Variants in PMS2 observed in about 807,000 individuals in gnomAD.
The protein encoded by PMS2 is mismatch repair endonuclease PMS2.
PMS2 carries 69 observed loss-of-function variants against 90.0 expected under a neutral mutation model. The observed-to-expected ratio is 0.77, with a 90% CI of 0.63 to 0.94. The LOEUF (loss-of-function observed/expected upper bound fraction) is 0.94. Among genes scored for constraint, PMS2 ranks in the 40% least tolerant of loss-of-function variants. The pLI is 0.00. For synonymous variants in PMS2, 332 were observed against 375.1 expected (o/e 0.89, Z 1.33); for missense variants, 966 against 1,040.2 (o/e 0.93, Z 0.98).
intron 10 of PMS2, 116 bp from the exon 11 acceptor site, chr7:5,987,736 G>T: frequency 9.8e-7 from 1 of 1,022,566 alleles, no homozygotes; most frequent in Non-Finnish European, 1.5e-6. Flanking sequence ...TTACACAGAT[G>T]AACACAGTTC....
Position 6,003,722 on chromosome 7 carries a change from C to G in PMS2, c.321G>C (p.Arg107=), listed in dbSNP as rs756420858. The change falls in exon 4 of 15, where the codon CGG becomes CGC. Residue 107 remains arginine, a synonymous_variant. Transcript: ENST00000265849. ...DLTQVETFGF[R]GEALSSLCAL... Reference sequence around the variant, plus strand: ...CACAAAGTGAGCTCAGAGCTTCCCCCCGAAAGCCAAAAGTTTCAACCTGAG... The same window carrying G: ...CACAAAGTGAGCTCAGAGCTTCCCCGCGAAAGCCAAAAGTTTCAACCTGAG... 3.1e-6 allele frequency: 5 copies of G among 1,598,118 alleles called. No homozygotes were observed. In the South Asian group the frequency reaches 4.4e-5, roughly 14 times the overall value.
At position 5,987,123 on chromosome 7, in the gene PMS2, C is replaced by G. The variant is rs374591423; in HGVS notation, c.1642G>C (p.Asp548His). The G allele has an allele frequency of 1.9e-6, 3 of 1,614,094 alleles. No individual in the cohort carries two copies. The highest frequency in any genetic ancestry group is 1.1e-5 in the South Asian group (1 of 91,086). The change falls in exon 11 of 15, where the codon GAT (aspartate) becomes CAT (histidine). Residue 548 changes from aspartate to histidine, a missense_variant. By Grantham distance (81) the Asp-to-His change is moderately conservative. This residue lies in a region of PMS2 where 871 missense variants were observed against 802.4 expected (regional missense o/e 1.09). Transcript: ENST00000265849. ...TCCTGGTTTGAATGGCAGTCCACAT[C>G]TGAAAAAGAGTCGTCAGTTTTAGGC... is the stretch of plus-strand genomic sequence containing the variant. Reference protein sequence around the residue: ...KAPKTDDSFSDVDCHSNQEDT... With the variant: ...KAPKTDDSFSHVDCHSNQEDT...
At position 5,997,426 on chromosome 7, in the gene PMS2, GAAAAAA is replaced by G; in HGVS notation, c.706-9_706-4del. On this transcript the variant is annotated splice_region_variant and splice_polypyrimidine_tract_variant and intron_variant, in intron 6 of 14. Transcript: ENST00000265849. ...ACAAAAGGAATGAGGCTTTGCAACT[GAAAAAA>G]AAAAAAAAAAATTCACAGTTACTTC... 13 of 1,102,746 alleles carry G rather than the reference GAAAAAA, an allele frequency of 1.2e-5. No individual in the cohort carries two copies. The highest frequency in any genetic ancestry group is 1.7e-5 in the Non-Finnish European group (13 of 759,146). The allele number at this position is 1,102,746 out of a possible 1,614,324, so 68.3% of individuals were successfully genotyped here.
intron 11 of PMS2, among the ~76,000 whole-genome samples, chr7:5,984,977 A>T (rs1213910341): frequency 6.6e-6 from 1 of 151,884 alleles, no homozygotes; most frequent in African/African-American, 2.4e-5. Flanking sequence ...ACAGAGCTCA[A>T]ATCCAAGTCA....
At chr7:6,000,720 G>A (rs188909080) in intron 5 of PMS2, among the ~76,000 whole-genome samples, 2 of 152,068 alleles carry the variant, frequency 1.3e-5, no homozygotes, top group African/African-American at 2.4e-5. Flanking sequence ...GCCAAGTGCA[G>A]TGGCTCACAC....
chr7:5,977,381 A>C (rs1781785315), intron 14 of PMS2, among the ~76,000 whole-genome samples: 1 of 146,694 alleles, frequency 6.8e-6, no homozygotes, highest in Non-Finnish European at 1.5e-5. Flanking sequence ...AGAGGTAACA[A>C]AAGAGCAATA....
rs1203548289 is a variant in PMS2 at position 5,995,652 on chromosome 7, G to C, written c.804-19C>G. ...TGAGATGCTATTCAACATTAATATG[G>C]TAAGGGCAGGATTCCAGAGTGAAAG... On this transcript the variant is annotated intron_variant, in intron 7 of 14. Transcript: ENST00000265849. 1 of 1,508,402 alleles carries C rather than the reference G, an allele frequency of 6.6e-7. No individual in the cohort carries two copies. Among genetic ancestry groups the C allele is most frequent in the Non-Finnish European group, 9.2e-7 (1 of 1,083,194 alleles). The allele number at this position is 1,508,402 out of a possible 1,614,324, so 93.4% of individuals were successfully genotyped here.
intron 6 of PMS2, 79 bp downstream of exon 6, chr7:5,999,029 A>T (rs1784772712): frequency 1.5e-6 from 2 of 1,360,262 alleles, no homozygotes; most frequent in Non-Finnish European, 2.1e-6. Context: ...TTTATTCTCC[A>T]TTCTACTGGA....
Position 5,994,475 on chromosome 7 carries a change from G to T in PMS2, c.903+1059C>A, listed in dbSNP as rs1389688916. 1.7e-4 allele frequency among the ~76,000 whole-genome samples: 25 copies of T among 150,892 alleles called. No individual in the cohort carries two copies. In the Admixed American group the frequency reaches 1.7e-3, roughly 10 times the overall value. On this transcript the variant is annotated intron_variant, in intron 8 of 14. Coordinates refer to ENST00000265849, the MANE Select transcript of PMS2 (RefSeq NM_000535.7). ...GGGTTATGTCCTGATAAACCCATAA[G>T]TTAAAAATATTGTATCTGCTGGGCG... is the stretch of plus-strand genomic sequence containing the variant.
At chr7:5,976,691 A>C (rs1371494164) in intron 14 of PMS2, among the ~76,000 whole-genome samples, 1 of 131,642 alleles carries the variant, frequency 7.6e-6, no homozygotes, top group Admixed American at 8.0e-5. Flanking sequence ...TTATCTCCCA[A>C]TGTTGTTATG....
chr7:5,995,125 T>C (rs1784234757), intron 8 of PMS2, among the ~76,000 whole-genome samples: 1 of 152,032 alleles, frequency 6.6e-6, no homozygotes, highest in Non-Finnish European at 1.5e-5. Flanking sequence ...GCAAGCTCCA[T>C]CTCCCAGGTT....
intron 5 of PMS2, 47 bp from the exon 6 acceptor site, chr7:5,999,322 T>C (rs80061767): frequency 3.3e-6 from 5 of 1,530,312 alleles, no homozygotes; most frequent in East Asian, 2.3e-5. Context: ...TTTAATATTA[T>C]AGGAATTACA....
rs1781534253 is a variant in PMS2 at position 5,975,243 on chromosome 7, C to T, written c.2446-1701G>A. Among the ~76,000 whole-genome samples, 2 of 40,366 alleles carry T rather than the reference C, an allele frequency of 5.0e-5. 1 individual carries two copies. The highest frequency in any genetic ancestry group is 2.7e-4 in the African/African-American group (2 of 7,532). 26.5% of individuals were successfully genotyped at this position (40,366 alleles called of 152,430 possible). A position where few individuals can be genotyped will look rare whatever the true frequency, so the allele number is the denominator to read the frequency against. ...TCCATCCCACCCACTCCCCACGTGG[C>T]CCCCAGCTGCTGCTCTCCTCAGCGG... is the stretch of plus-strand genomic sequence containing the variant. On this transcript the variant is annotated intron_variant, in intron 14 of 14. Transcript: ENST00000265849.
At chr7:6,005,025 G>T (rs906999003) in intron 2 of PMS2, among the ~76,000 whole-genome samples, 3 of 151,552 alleles carry the variant, frequency 2.0e-5, no homozygotes, top group African/African-American at 7.3e-5. Flanking sequence ...CTCCTTCAGC[G>T]TCCTGAGGAG....
rs1171314700 is a variant in PMS2, at chr7:6,007,896, G to A, written c.23+1101C>T. ...TTTTTTTGAGACCGAGTCTTGCTGC[G>A]TTGCCCAGGCCGGACTGCAGTGGCA... On this transcript the variant is annotated intron_variant, in intron 1 of 14. Coordinates refer to ENST00000265849, the MANE Select transcript of PMS2 (RefSeq NM_000535.7). Among the ~76,000 whole-genome samples the A allele has an allele frequency of 4.9e-5, 7 of 141,560 alleles. No individual in the cohort carries two copies. In the South Asian group the frequency reaches 8.7e-4, roughly 18 times the overall value. 92.9% of individuals were successfully genotyped at this position (141,560 alleles called of 152,430 possible).
At chr7:5,999,826 C>T (rs1784900830) in intron 5 of PMS2, among the ~76,000 whole-genome samples, 1 of 151,976 alleles carries the variant, frequency 6.6e-6, no homozygotes, top group South Asian at 2.1e-4. Flanking sequence ...CTGAAACGTA[C>T]ATTGTGTTTG....
At chr7:5,993,916 A>G (rs1784070555) in intron 8 of PMS2, among the ~76,000 whole-genome samples, 1 of 150,374 alleles carries the variant, frequency 6.7e-6, no homozygotes, top group South Asian at 2.1e-4. Context: ...TAATCAGTCT[A>G]TACTGAAAGG....
chr7:5,988,370 T>C (rs190980803), intron 10 of PMS2, among the ~76,000 whole-genome samples: 1 of 152,030 alleles, frequency 6.6e-6, no homozygotes, highest in East Asian at 1.9e-4. Flanking sequence ...CTGACCAACA[T>C]GGTGAAACCT....
At chr7:5,983,087 A>G (rs1782484420) in intron 11 of PMS2, 96 bp from the exon 12 acceptor site, 1 of 1,541,936 alleles carries the variant, frequency 6.5e-7, no homozygotes, top group African/African-American at 1.4e-5. Context: ...CAAACAATAC[A>G]AAAACAAAAT....
Sources: allele counts gnomAD v4.1 joint callset (sites outside exome capture counted in the v4.1 genomes callset), GRCh38; gene constraint gnomAD v4.1.1; regional missense constraint gnomAD v4.1.1; transcripts MANE v1.5; gene names NCBI Gene and HGNC (gene_info 2026-07-23, HGNC 2026-07-21).